The following IMPG1 variants were observed in gnomAD, a reference collection of about 807,000 sequenced individuals.
IMPG1 encodes interphotoreceptor matrix proteoglycan of 150 kDa.
IMPG1 carries 85 observed loss-of-function variants against 92.0 expected under a neutral mutation model. The ratio of observed to expected loss-of-function variants is 0.92; its 90% confidence interval spans 0.78 to 1.11. The LOEUF is 1.11. Among genes scored for constraint, IMPG1 ranks in the 50% least tolerant of loss-of-function variants. IMPG1 has a pLI of 0.00. For synonymous variants in IMPG1, 367 were observed against 334.1 expected (o/e 1.10, Z -1.08); for missense variants, 1,022 against 956.0 (o/e 1.07, Z -0.91).
At chr6:75,961,779 G>T (rs974763644) in intron 12 of IMPG1, among the ~76,000 whole-genome samples, 1 of 152,222 alleles carries the variant, frequency 6.6e-6, no homozygotes, top group Admixed American at 6.5e-5. Flanking sequence ...CTAGCTGGGA[G>T]AACAGCATGG....
chr6:76,059,402 C>CTT lies in IMPG1; in HGVS notation c.67+13018_67+13019dup, dbSNP rs11428800. 5.3e-4 allele frequency among the ~76,000 whole-genome samples: 80 copies of CTT among 149,942 alleles called. 1 individual carries two copies. Among genetic ancestry groups the CTT allele is most frequent in the Admixed American group, 1.4e-3 (21 of 15,044 alleles). On this transcript the variant is annotated intron_variant, in intron 1 of 16. Coordinates refer to ENST00000369950, the MANE Select transcript of IMPG1 (RefSeq NM_001563.4). Reference sequence around the variant, plus strand: ...GTTCTTTGAGTTCAAGACGTTACACCTTTTTTTTTTAAGTGAAAAATAGAA... The same window carrying CTT: ...GTTCTTTGAGTTCAAGACGTTACACCTTTTTTTTTTTTAAGTGAAAAATAGAA...
intron 4 of IMPG1, among the ~76,000 whole-genome samples, chr6:76,027,991 C>T (rs1783580418): frequency 6.6e-6 from 1 of 152,154 alleles, no homozygotes; most frequent in Non-Finnish European, 1.5e-5. Context: ...AAGAGGTAAG[C>T]AGGATTATTC....
intron 1 of IMPG1, among the ~76,000 whole-genome samples, chr6:76,064,871 A>T (rs989881092): frequency 6.6e-6 from 1 of 152,150 alleles, no homozygotes; most frequent in African/African-American, 2.4e-5. Flanking sequence ...ACAAGTGCAC[A>T]GTGCTGGCTT....
At position 75,995,625 on chromosome 6, in the gene IMPG1, TTTA is replaced by T. The variant is rs552195907; in HGVS notation, c.1291+7290_1291+7292del. On this transcript the variant is annotated intron_variant, in intron 12 of 16. Coordinates refer to ENST00000369950, the MANE Select transcript of IMPG1 (RefSeq NM_001563.4). ...ATTTATAATAAGGAATACTGTGTAT[TTTA>T]TTATTTGTAAATTGTGTTACATATC... Among the ~76,000 whole-genome samples, 6 of 152,372 alleles carry T rather than the reference TTTA, an allele frequency of 3.9e-5. No homozygotes were observed. The East Asian group carries it at 9.6e-4, about 24-fold the overall frequency.
At chr6:76,039,602 T>C (rs775782930) in intron 2 of IMPG1, among the ~76,000 whole-genome samples, 1 of 152,184 alleles carries the variant, frequency 6.6e-6, no homozygotes, top group Non-Finnish European at 1.5e-5. Flanking sequence ...GTGATCTGCC[T>C]ACCTCGGTCT....
chr6:75,974,865 G>T (rs1782509426), intron 12 of IMPG1, among the ~76,000 whole-genome samples: 1 of 152,102 alleles, frequency 6.6e-6, no homozygotes, highest in Non-Finnish European at 1.5e-5. Flanking sequence ...TGAAAATAAA[G>T]GTTGATTTAA....
intron 12 of IMPG1, among the ~76,000 whole-genome samples, chr6:75,965,931 A>T (rs969955896): frequency 6.6e-6 from 1 of 152,062 alleles, no homozygotes; most frequent in Admixed American, 6.6e-5. Flanking sequence ...TACCAGATAT[A>T]TGTTTGCAAA....
chr6:76,057,753 C>T (rs1784144293), intron 1 of IMPG1, among the ~76,000 whole-genome samples: 1 of 152,044 alleles, frequency 6.6e-6, no homozygotes, highest in East Asian at 1.9e-4. Context: ...ATGTTAATGA[C>T]ATTATAATGA....
At chr6:75,976,161 A>T (rs1782528960) in intron 12 of IMPG1, among the ~76,000 whole-genome samples, 1 of 152,120 alleles carries the variant, frequency 6.6e-6, no homozygotes, top group African/African-American at 2.4e-5. Flanking sequence ...ATATGTGTTC[A>T]TTTTACATTT....
chr6:75,966,042 A>G (rs1353499806), intron 12 of IMPG1, among the ~76,000 whole-genome samples: 1 of 152,172 alleles, frequency 6.6e-6, no homozygotes, highest in Non-Finnish European at 1.5e-5. Flanking sequence ...GATATACGAG[A>G]CAAAAATAAA....
chr6:76,024,389 A>T (rs1039210743), intron 5 of IMPG1, among the ~76,000 whole-genome samples: 1 of 88,454 alleles, frequency 1.1e-5, no homozygotes, highest in African/African-American at 3.7e-5. Flanking sequence ...TATATTTAAA[A>T]GTATTCTTTT....
At chr6:76,041,380 T>C (rs1024368998) in intron 2 of IMPG1, among the ~76,000 whole-genome samples, 1 of 152,216 alleles carries the variant, frequency 6.6e-6, no homozygotes, top group Non-Finnish European at 1.5e-5. Flanking sequence ...ACTCTTTATT[T>C]GTTTCTCCTC....
chr6:75,929,803 C>A (rs1417622235), intron 15 of IMPG1, among the ~76,000 whole-genome samples: 1 of 151,302 alleles, frequency 6.6e-6, no homozygotes, highest in Non-Finnish European at 1.5e-5. Context: ...GGCCTTTGAT[C>A]TATTTTGAGT....
intron 12 of IMPG1, among the ~76,000 whole-genome samples, chr6:75,985,403 T>C (rs1222394983): frequency 6.6e-6 from 1 of 152,100 alleles, no homozygotes. Context: ...GGCTAGGGAA[T>C]ACACACAGGT....
At chr6:75,977,855 A>G (rs1431568642) in intron 12 of IMPG1, among the ~76,000 whole-genome samples, 1 of 152,062 alleles carries the variant, frequency 6.6e-6, no homozygotes, top group African/African-American at 2.4e-5. Flanking sequence ...CAAAACACCA[A>G]GTAATTTCAC....
chr6:76,019,212 G>T (rs1294415440), intron 6 of IMPG1, among the ~76,000 whole-genome samples: 3 of 152,106 alleles, frequency 2.0e-5, no homozygotes, highest in Non-Finnish European at 2.9e-5. Context: ...GGGCCAAGAG[G>T]TCATCCTTCT....
chr6:75,974,388 T>TTTCTTTCC (rs1782489373), intron 12 of IMPG1, among the ~76,000 whole-genome samples: 1 of 59,018 alleles, frequency 1.7e-5, no homozygotes. Flanking sequence ...TCTTTCTTTC[T>TTTCTTTCC]TTCTTTTCTT....
intron 13 of IMPG1, 67 bp downstream of exon 13, chr6:75,950,495 A>G (rs560959936): frequency 7.4e-7 from 1 of 1,347,850 alleles, no homozygotes; most frequent in East Asian, 2.5e-5. Flanking sequence ...GCCAATAATT[A>G]TATTATAAAA....
intron 15 of IMPG1, among the ~76,000 whole-genome samples, chr6:75,928,236 G>T (rs1781593740): frequency 1.3e-5 from 2 of 149,424 alleles, no homozygotes; most frequent in African/African-American, 2.5e-5. Context: ...GTCTTGCTCT[G>T]TCGCCCAGGC....
Sources: allele counts gnomAD v4.1 joint callset (sites outside exome capture counted in the v4.1 genomes callset), GRCh38; gene constraint gnomAD v4.1.1; transcripts MANE v1.5; gene names NCBI Gene and HGNC (gene_info 2026-07-23, HGNC 2026-07-21).